Variants in RHOG observed in about 807,000 individuals in gnomAD.
The protein encoded by RHOG is rho-related GTP-binding protein RhoG.
In RHOG, 1 loss-of-function variant was observed where a neutral mutation model predicts 12.3. The ratio of observed to expected loss-of-function variants is 0.08; its 90% CI spans 0.03 to 0.39. The LOEUF is 0.39. Ranked by LOEUF, RHOG falls within the 10% of genes least tolerant of loss-of-function variation. RHOG has a pLI of 0.99. For synonymous variants in RHOG, 129 were observed against 116.0 expected (o/e 1.11, Z -0.72); for missense variants, 114 against 266.2 (o/e 0.43, Z 3.98).
At chr11:3,828,766 A>G (rs369950819) in intron 1 of RHOG, among the ~76,000 whole-genome samples, 2,669 of 151,222 alleles carry the variant, frequency 0.018, 70 homozygotes, top group African/African-American at 0.055. Context: ...GACTACAGGC[A>G]CCCACCACCA....
intron 1 of RHOG, among the ~76,000 whole-genome samples, chr11:3,839,624 C>CAG (rs2090179156): frequency 6.6e-6 from 1 of 151,920 alleles, no homozygotes; most frequent in South Asian, 2.1e-4. Context: ...CACACACACA[C>CAG]ACACAGGCTT....
At chr11:3,836,981 G>GC (rs2097462392) in intron 1 of RHOG, among the ~76,000 whole-genome samples, 1 of 144,912 alleles carries the variant, frequency 6.9e-6, no homozygotes, top group East Asian at 2.1e-4. Context: ...CAAGGAAGCT[G>GC]CCCCCTCCCC....
intron 1 of RHOG, among the ~76,000 whole-genome samples, chr11:3,831,052 A>G (rs1250703901): frequency 6.6e-6 from 1 of 152,100 alleles, no homozygotes; most frequent in Non-Finnish European, 1.5e-5. Flanking sequence ...ATCCCTGAGT[A>G]TTCCTTATCC....
At chr11:3,835,240 C>T (rs901958329) in intron 1 of RHOG, among the ~76,000 whole-genome samples, 8 of 152,134 alleles carry the variant, frequency 5.3e-5, no homozygotes, top group African/African-American at 1.2e-4. Flanking sequence ...TGAATGAAGT[C>T]GATGCAATCA....
At chr11:3,832,696 A>G (rs1845301090) in intron 1 of RHOG, among the ~76,000 whole-genome samples, 1 of 152,110 alleles carries the variant, frequency 6.6e-6, no homozygotes, top group African/African-American at 2.4e-5. Context: ...CTCTCTCCCA[A>G]AACAACTCTT....
At chr11:3,838,633 A>G (rs1348381744) in intron 1 of RHOG, among the ~76,000 whole-genome samples, 1 of 149,554 alleles carries the variant, frequency 6.7e-6, no homozygotes, top group Non-Finnish European at 1.5e-5. Flanking sequence ...AATTCATGGG[A>G]GAGGGACGAC....
chr11:3,827,426 CAG>C lies in RHOG; in HGVS notation c.*135_*136del, dbSNP rs2090086165. 1 of 690,164 alleles carries C rather than the reference CAG, an allele frequency of 1.4e-6. No individual in the cohort carries two copies. Among genetic ancestry groups the C allele is most frequent in the Non-Finnish European group, 2.4e-6 (1 of 415,698 alleles). 42.8% of individuals were successfully genotyped at this position (690,164 alleles called of 1,614,324 possible). A position where few individuals can be genotyped will look rare whatever the true frequency, so the allele number is the denominator to read the frequency against. On this transcript the variant is annotated 3_prime_UTR_variant, in exon 2 of 2. Coordinates refer to ENST00000351018, the MANE Select transcript of RHOG (RefSeq NM_001665.4). The surrounding 1 kb of genome is among the most constrained non-coding windows in gnomAD (Gnocchi z 7.3). ...GCCTCCTTAAGGAGAAAAAGGCACT[CAG>C]AGAAAAAGGCATTCAGGGAACCCCC...
chr11:3,836,251 G>C (rs1467609410), intron 1 of RHOG, among the ~76,000 whole-genome samples: 6 of 151,310 alleles, frequency 4.0e-5, no homozygotes, highest in Non-Finnish European at 7.4e-5. Context: ...CAGCTACTCA[G>C]GAGGCTGAGG....
rs55711321 is a variant in RHOG at position 3,828,814 on chromosome 11, G to A, written c.-68-608C>T. Among the ~76,000 whole-genome samples the A allele has an allele frequency of 4.4e-3, 663 of 151,466 alleles. 2 individuals carry two copies. The highest frequency in any genetic ancestry group is 7.4e-3 in the Non-Finnish European group (502 of 67,740). On this transcript the variant is annotated intron_variant, in intron 1 of 1. Transcript: ENST00000351018. ...TTTTTGTATTTTTAGTAGAGATGGGGTTTCACCGTGTTGGCCAGGATGGTC... is the reference window on the plus strand; with the variant it reads ...TTTTTGTATTTTTAGTAGAGATGGGATTTCACCGTGTTGGCCAGGATGGTC...
At chr11:3,838,822 G>C (rs368395916) in intron 1 of RHOG, among the ~76,000 whole-genome samples, 32 of 152,322 alleles carry the variant, frequency 2.1e-4, no homozygotes, top group Middle Eastern at 3.4e-3. Context: ...TGGAGCTCTA[G>C]AGTGGAAACA....
chr11:3,832,456 C>T (rs541656166), intron 1 of RHOG, among the ~76,000 whole-genome samples: 283 of 152,290 alleles, frequency 1.9e-3, no homozygotes, highest in Middle Eastern at 0.014. Flanking sequence ...GCCTCTGTTT[C>T]TTTATCTGTA....
chr11:3,829,467 T>A (rs975247437), intron 1 of RHOG, among the ~76,000 whole-genome samples: 1 of 151,946 alleles, frequency 6.6e-6, no homozygotes, highest in African/African-American at 2.4e-5. Context: ...GCCATGCTGG[T>A]CTCAAGCTCC....
chr11:3,831,807 A>G (rs550108356), intron 1 of RHOG, among the ~76,000 whole-genome samples: 43 of 152,330 alleles, frequency 2.8e-4, no homozygotes, highest in African/African-American at 1.0e-3. Context: ...AGTTCCACAC[A>G]GAGCAGGAGA....
intron 1 of RHOG, among the ~76,000 whole-genome samples, chr11:3,828,930 AT>A (rs61116394): frequency 4.7e-5 from 7 of 148,932 alleles, no homozygotes; most frequent in African/African-American, 7.4e-5. Context: ...AGTATTAGCT[AT>A]TTTTTTTTTC....
At chr11:3,834,435 G>T (rs988534105) in intron 1 of RHOG, among the ~76,000 whole-genome samples, 1 of 152,150 alleles carries the variant, frequency 6.6e-6, no homozygotes, top group Admixed American at 6.5e-5. Flanking sequence ...ACTGAGATAT[G>T]GAGAGACTTC....
intron 1 of RHOG, among the ~76,000 whole-genome samples, chr11:3,835,407 A>G (rs1273277602): frequency 6.6e-6 from 1 of 152,028 alleles, no homozygotes; most frequent in Non-Finnish European, 1.5e-5. Flanking sequence ...CGTACTTTTC[A>G]TTGTGCTGAA....
At position 3,827,702 on chromosome 11, in the gene RHOG, G is replaced by C; in HGVS notation, c.437C>G (p.Ala146Gly). 6.2e-7 allele frequency: 1 copy of C among 1,614,104 alleles called. No individual in the cohort carries two copies. The highest frequency in any genetic ancestry group is 1.7e-5 in the Admixed American group (1 of 60,028). ...GTAGCGCACAGCGTGGATCTGCTTG[G>C]CCAGTGCCTGGCCCTGCTGCGGTGT... is the stretch of plus-strand genomic sequence containing the variant. ...PITPQQGQAL[A>G]KQIHAVRYLE... The change falls in exon 2 of 2, where the codon GCC becomes GGC. Residue 146 changes from alanine (A) to glycine (G), a missense_variant. Ala to Gly is a moderately conservative substitution (Grantham distance 60). This residue lies in a region of RHOG where 61 missense variants were observed against 101.4 expected (regional missense o/e 0.60). Coordinates refer to ENST00000351018, the MANE Select transcript of RHOG (RefSeq NM_001665.4). This position sits in a 1 kb window ranked among gnomAD's most constrained non-coding sequence, Gnocchi z 7.3.
intron 1 of RHOG, among the ~76,000 whole-genome samples, chr11:3,831,153 A>AC (rs1036297449): frequency 5.3e-5 from 8 of 150,478 alleles, no homozygotes; most frequent in South Asian, 2.1e-4. Context: ...GGAACCCCTT[A>AC]CCCCCCCAGC....
intron 1 of RHOG, among the ~76,000 whole-genome samples, chr11:3,831,133 C>G (rs1308799474): frequency 6.6e-6 from 1 of 152,156 alleles, no homozygotes; most frequent in East Asian, 1.9e-4. Flanking sequence ...CAAGGCTGCA[C>G]CCTGGTCTGG....
Sources: gnomAD v4.1 joint callset for allele counts (sites outside exome capture counted in the v4.1 genomes callset) on GRCh38, gnomAD v4.1.1 for gene constraint, gnomAD v4.1.1 regional missense constraint, Gnocchi (gnomAD v3.1) non-coding constraint, MANE v1.5 for transcripts, NCBI Gene and HGNC (gene_info 2026-07-23, HGNC 2026-07-21) for gene names.